Variants in DGKB observed in about 807,000 individuals in gnomAD.
DGKB encodes the protein diacylglycerol kinase beta.
Under a neutral mutation model 114.3 loss-of-function variants are expected in DGKB, and 67 were observed. The ratio of observed to expected loss-of-function variants is 0.59; its 90% confidence interval spans 0.48 to 0.72. DGKB has a LOEUF of 0.72. Ranked by LOEUF, DGKB falls within the 30% of genes least tolerant of loss-of-function variation. DGKB has a pLI of 0.00. For synonymous variants in DGKB, 398 were observed against 323.1 expected (o/e 1.23, Z -2.49); for missense variants, 907 against 975.2 (o/e 0.93, Z 0.93).
intron 20 of DGKB, among the ~76,000 whole-genome samples, chr7:14,500,479 T>A (rs1337118839): frequency 1.3e-5 from 2 of 151,732 alleles, no homozygotes. Context: ...TCTTTATTTT[T>A]TTTTTTGCTA....
intron 1 of DGKB, among the ~76,000 whole-genome samples, chr7:14,892,866 G>A (rs571985912): frequency 3.3e-4 from 44 of 134,608 alleles, no homozygotes; most frequent in African/African-American, 1.6e-3. Flanking sequence ...ATATATATAT[G>A]TGTGTGTGTG....
intron 2 of DGKB, among the ~76,000 whole-genome samples, chr7:14,795,542 C>A (rs990124213): frequency 6.6e-6 from 1 of 152,144 alleles, no homozygotes; most frequent in Non-Finnish European, 1.5e-5. Context: ...GGAGCCCTGT[C>A]ATCCTTAAAG....
chr7:14,280,659 C>A (rs1799798346), intron 23 of DGKB, among the ~76,000 whole-genome samples: 1 of 151,346 alleles, frequency 6.6e-6, no homozygotes, highest in Admixed American at 6.6e-5. Context: ...AACAGCGGAT[C>A]TCTCGGCAGA....
intron 23 of DGKB, among the ~76,000 whole-genome samples, chr7:14,304,087 A>ACT (rs71846844): frequency 1.2e-4 from 13 of 110,112 alleles, no homozygotes; most frequent in African/African-American, 2.9e-4. Context: ...ACACACACAC[A>ACT]CTCTCTCTCT....
intron 23 of DGKB, among the ~76,000 whole-genome samples, chr7:14,300,205 T>C (rs1467915533): frequency 1.3e-5 from 2 of 152,134 alleles, no homozygotes; most frequent in Non-Finnish European, 2.9e-5. Context: ...GAGGAATGTT[T>C]CCTATTTTAG....
intron 21 of DGKB, among the ~76,000 whole-genome samples, chr7:14,413,762 G>A (rs573705555): frequency 6.6e-6 from 1 of 152,294 alleles, no homozygotes; most frequent in African/African-American, 2.4e-5. Context: ...GGGCAAGAGT[G>A]ATGAATGTGT....
chr7:14,881,739 T>C (rs2128214173), intron 1 of DGKB, among the ~76,000 whole-genome samples: 1 of 152,228 alleles, frequency 6.6e-6, no homozygotes, highest in South Asian at 2.1e-4. Flanking sequence ...TTAAGAGCCG[T>C]AGTTAACCTG....
intron 20 of DGKB, among the ~76,000 whole-genome samples, chr7:14,573,782 T>C (rs1199558443): frequency 6.6e-6 from 1 of 152,020 alleles, no homozygotes; most frequent in Non-Finnish European, 1.5e-5. Context: ...TTGTAGACTT[T>C]TCATAGATTT....
chr7:14,434,334 C>T (rs375990279), intron 21 of DGKB, among the ~76,000 whole-genome samples: 2 of 151,944 alleles, frequency 1.3e-5, no homozygotes, highest in African/African-American at 4.8e-5. Flanking sequence ...TTTGAAGATG[C>T]GATTAAATTT....
chr7:14,900,458 A>G (rs1252138779), intron 1 of DGKB, among the ~76,000 whole-genome samples: 1 of 152,156 alleles, frequency 6.6e-6, no homozygotes, highest in Non-Finnish European at 1.5e-5. Flanking sequence ...GGAGAGGATC[A>G]TCTTGAAATG....
At chr7:14,654,210 C>CA (rs1203300366) in intron 13 of DGKB, among the ~76,000 whole-genome samples, 3 of 151,728 alleles carry the variant, frequency 2.0e-5, no homozygotes, top group Non-Finnish European at 4.4e-5. Context: ...AATTAACATA[C>CA]AAAAAAATCA....
chr7:14,851,552 T>C (rs1849354092), intron 1 of DGKB, among the ~76,000 whole-genome samples: 1 of 152,180 alleles, frequency 6.6e-6, no homozygotes, highest in East Asian at 1.9e-4. Flanking sequence ...ACGATACCTT[T>C]CATCTCACAT....
At position 14,794,618 on chromosome 7, in the gene DGKB, G is replaced by C. The variant is rs1433961647; in HGVS notation, c.71-36887C>G. On this transcript the variant is annotated intron_variant, in intron 2 of 25. Transcript: ENST00000402815. The stretch of plus-strand genomic sequence containing the variant: ...ATAGCCTTATCTCCTAGAGCTGCAG[G>C]ACTGAAATTGTCAAAAATCCAAAGC... Among the ~76,000 whole-genome samples, 3 of 152,106 alleles carry C rather than the reference G, an allele frequency of 2.0e-5. No individual in the cohort carries two copies. In the East Asian group the frequency reaches 5.8e-4, roughly 29 times the overall value.
chr7:14,318,023 C>A (rs1806941590), intron 23 of DGKB, among the ~76,000 whole-genome samples: 2 of 48,544 alleles, frequency 4.1e-5, no homozygotes, highest in Non-Finnish European at 8.9e-5. Context: ...CTGAGAAAAA[C>A]AAGCAATGGG....
intron 23 of DGKB, among the ~76,000 whole-genome samples, chr7:14,318,962 A>G (rs529085840): frequency 6.6e-6 from 1 of 152,320 alleles, no homozygotes; most frequent in Admixed American, 6.5e-5. Flanking sequence ...CAGCCATAAA[A>G]AATGATGCGT....
At chr7:14,169,097 C>T (rs371090227) in intron 25 of DGKB, among the ~76,000 whole-genome samples, 49 of 151,660 alleles carry the variant, frequency 3.2e-4, no homozygotes, top group African/African-American at 9.0e-4. Context: ...CAGTGGCTCA[C>T]GCCTGTAATC....
chr7:14,244,781 T>C (rs1036722003), intron 23 of DGKB, among the ~76,000 whole-genome samples: 6 of 150,688 alleles, frequency 4.0e-5, no homozygotes, highest in African/African-American at 1.5e-4. Flanking sequence ...CTTGGCCCTC[T>C]CACATGTGAG....
At chr7:14,260,737 C>T (rs1016305576) in intron 23 of DGKB, among the ~76,000 whole-genome samples, 1 of 152,152 alleles carries the variant, frequency 6.6e-6, no homozygotes, top group Non-Finnish European at 1.5e-5. Flanking sequence ...AGTAGAGCTA[C>T]TTAATACCGT....
intron 17 of DGKB, among the ~76,000 whole-genome samples, chr7:14,602,042 G>A (rs532504047): frequency 2.9e-4 from 44 of 151,422 alleles, no homozygotes; most frequent in African/African-American, 9.2e-4. Flanking sequence ...CACCTTCTAC[G>A]TTTTTAGGAA....
Sources: gnomAD v4.1 joint callset for allele counts (sites outside exome capture counted in the v4.1 genomes callset) on GRCh38, gnomAD v4.1.1 for gene constraint, MANE v1.5 for transcripts, NCBI Gene and HGNC (gene_info 2026-07-23, HGNC 2026-07-21) for gene names.